Variants in YBX3 observed in about 807,000 individuals in gnomAD.
YBX3 encodes the protein Y-box-binding protein 3.
Under a neutral mutation model 42.4 loss-of-function variants are expected in YBX3, and 29 were observed. The observed-to-expected ratio is 0.68, with a 90% CI of 0.51 to 0.93. The LOEUF is 0.93. Among genes scored for constraint, YBX3 ranks in the 40% least tolerant of loss-of-function variants. YBX3 has a pLI of 0.00. For missense variants in YBX3, 517 were observed against 527.5 expected, an observed-to-expected ratio of 0.98 and a Z score of 0.19; for synonymous variants, 195 against 189.8, an observed-to-expected ratio of 1.03 and a Z score of -0.22.
At chr12:10,720,553 G>C (rs187865551) in intron 1 of YBX3, among the ~76,000 whole-genome samples, 83 of 152,216 alleles carry the variant, frequency 5.5e-4, no homozygotes, top group Non-Finnish European at 8.2e-4. Flanking sequence ...TGATGTTTTC[G>C]ATGCAAATGT....
At chr12:10,701,206 T>C (rs1352319092) in intron 9 of YBX3, 48 bp downstream of exon 9, 5 of 754,126 alleles carry the variant, frequency 6.6e-6, no homozygotes, top group Non-Finnish European at 9.8e-6. Flanking sequence ...AAACCAGTGA[T>C]ACTAAAAAGA....
chr12:10,702,220 TAAAA>T, intron 7 of YBX3, 86 bp from the exon 8 acceptor site: 1 of 1,391,130 alleles, frequency 7.2e-7, no homozygotes, highest in African/African-American at 1.5e-5. Flanking sequence ...TTTTAAAAAT[TAAAA>T]AGTCAAGTGA....
chr12:10,712,606 C>T (rs1948211740), intron 5 of YBX3: 1 of 152,198 alleles, frequency 6.6e-6, no homozygotes, highest in East Asian at 1.9e-4. Flanking sequence ...CTTTCACCAA[C>T]CAAATTTTGA....
At chr12:10,715,570 G>T in intron 4 of YBX3, 124 bp downstream of exon 4, 3 of 884,936 alleles carry the variant, frequency 3.4e-6, no homozygotes, top group Non-Finnish European at 5.4e-6. Context: ...CTGTTTAAAA[G>T]TCACTTCCTG....
At chr12:10,715,956 A>G (rs191711666) in intron 3 of YBX3, 173 bp from the exon 4 acceptor site, 9 of 588,966 alleles carry the variant, frequency 1.5e-5, no homozygotes, top group African/African-American at 1.5e-4. Flanking sequence ...GCACTATAAA[A>G]CTATATTCCA....
At chr12:10,719,523 T>A (rs1948301382) in intron 1 of YBX3, among the ~76,000 whole-genome samples, 1 of 152,058 alleles carries the variant, frequency 6.6e-6, no homozygotes, top group African/African-American at 2.4e-5. Flanking sequence ...AATAAAAGAG[T>A]GAAAGACCTT....
intron 4 of YBX3, among the ~76,000 whole-genome samples, chr12:10,714,386 G>A (rs1948235956): frequency 6.6e-6 from 1 of 152,118 alleles, no homozygotes; most frequent in South Asian, 2.1e-4. Context: ...GTTTTAGCGT[G>A]TTTTTAATCT....
chr12:10,710,777 T>C (rs1186546817), intron 5 of YBX3: 15 of 391,188 alleles, frequency 3.8e-5, no homozygotes, highest in Non-Finnish European at 7.1e-5. Flanking sequence ...TATTAAACCA[T>C]ACATCAGAGA....
chr12:10,717,836 G>A, intron 3 of YBX3: 1 of 318,336 alleles, frequency 3.1e-6, no homozygotes. Context: ...TTAAAAATTA[G>A]AAAGTGGTCT....
Position 10,704,121 on chromosome 12 carries a change from C to T in YBX3, c.808G>A (p.Gly270Arg). Reference sequence around the variant, plus strand: ...TGAAGTTGTGCTCCCTCTGGGACTCCATCCTTCATCTCTCCAATCTCACCA... The same window carrying T: ...TGAAGTTGTGCTCCCTCTGGGACTCTATCCTTCATCTCTCCAATCTCACCA... ...QAGEIGEMKD[G>R]VPEGAQLQGP... The change falls in exon 7 of 10, where the codon GGA becomes AGA. Residue 270 changes from glycine (G) to arginine (R), a missense_variant. Gly to Arg is a moderately radical substitution (Grantham distance 125, BLOSUM62 -2). Coordinates refer to ENST00000228251, the MANE Select transcript of YBX3 (RefSeq NM_003651.5). The T allele has an allele frequency of 6.2e-7, 1 of 1,614,210 alleles. No individual in the cohort carries two copies. Among genetic ancestry groups the T allele is most frequent in the African/African-American group, 1.3e-5 (1 of 75,052 alleles).
intron 8 of YBX3, 140 bp downstream of exon 8, chr12:10,701,820 C>CTA: frequency 2.1e-6 from 2 of 946,838 alleles, no homozygotes; most frequent in Non-Finnish European, 3.2e-6. Context: ...AAGGCATACC[C>CTA]TATATATATG....
intron 5 of YBX3, 200 bp downstream of exon 5, chr12:10,713,011 C>G: frequency 1.5e-6 from 1 of 660,052 alleles, no homozygotes; most frequent in Non-Finnish European, 2.3e-6. Flanking sequence ...TAATCACCAC[C>G]GGTTTCCCAA....
chr12:10,699,820 A>G (rs947202837), intron 9 of YBX3, among the ~76,000 whole-genome samples, 166 bp from the exon 10 acceptor site: 1 of 152,240 alleles, frequency 6.6e-6, no homozygotes, highest in African/African-American at 2.4e-5. Context: ...TGTTAATTAA[A>G]TGGAAACTCT....
At chr12:10,705,681 T>C (rs142676826) in intron 6 of YBX3, among the ~76,000 whole-genome samples, 9 of 152,382 alleles carry the variant, frequency 5.9e-5, no homozygotes, top group African/African-American at 1.7e-4. Context: ...ATGAGTACTT[T>C]GTGAGGAAGT....
In YBX3 at chr12:10,723,267, A is replaced by G. The variant is rs1350113440; in HGVS notation, c.-156T>C. On this transcript the variant is annotated 5_prime_UTR_variant, in exon 1 of 10. Transcript: ENST00000228251. ...CGGCCGAGGTGGGGTCGCGCGGCGGAGGCGGCTCGAGCTTCGTGCTGCGCG... is the reference window on the plus strand; with the variant it reads ...CGGCCGAGGTGGGGTCGCGCGGCGGGGGCGGCTCGAGCTTCGTGCTGCGCG... 5.3e-6 allele frequency: 6 copies of G among 1,128,488 alleles called. No homozygotes were observed. In the African/African-American group the frequency reaches 6.6e-5, roughly 12 times the overall value. The allele number at this position is 1,128,488 out of a possible 1,614,324, so 69.9% of individuals were successfully genotyped here. A position where few individuals can be genotyped will look rare whatever the true frequency, so the allele number is the denominator to read the frequency against.
chr12:10,708,718 C>T lies in YBX3; in HGVS notation c.780+1190G>A, dbSNP rs146102378. 5.8e-3 allele frequency among the ~76,000 whole-genome samples: 885 copies of T among 152,310 alleles called. 5 individuals carry two copies. Among genetic ancestry groups the T allele is most frequent in the South Asian group, 0.011 (51 of 4,826 alleles). On this transcript the variant is annotated intron_variant, in intron 6 of 9. Coordinates refer to ENST00000228251, the MANE Select transcript of YBX3 (RefSeq NM_003651.5). ...AAAAGCAGCTTTCGATCAGCTTCTG[C>T]ATATGATGTTTTACGTGGCACTAAG...
At position 10,723,146 on chromosome 12, in the gene YBX3, G is replaced by A; in HGVS notation, c.-35C>T. ...TCCTCTGCTCTCGCTCAGGCGCCTCGGTGGCGGTTGGTCGGCGGTTAGCGC... is the reference window on the plus strand; with the variant it reads ...TCCTCTGCTCTCGCTCAGGCGCCTCAGTGGCGGTTGGTCGGCGGTTAGCGC... On this transcript the variant is annotated 5_prime_UTR_variant, in exon 1 of 10. Coordinates refer to ENST00000228251, the MANE Select transcript of YBX3 (RefSeq NM_003651.5). 8.4e-7 allele frequency: 1 copy of A among 1,191,796 alleles called. No homozygotes were observed. Among genetic ancestry groups the A allele is most frequent in the Non-Finnish European group, 1.0e-6 (1 of 962,200 alleles). 73.8% of individuals were successfully genotyped at this position (1,191,796 alleles called of 1,614,324 possible).
chr12:10,712,962 A>G, intron 5 of YBX3: 3 of 454,760 alleles, frequency 6.6e-6, no homozygotes, highest in South Asian at 3.8e-5. Flanking sequence ...GGTGCACCAA[A>G]ATCTCAGAAA....
At chr12:10,705,617 T>A (rs940929702) in intron 6 of YBX3, among the ~76,000 whole-genome samples, 1 of 152,206 alleles carries the variant, frequency 6.6e-6, no homozygotes, top group Admixed American at 6.5e-5. Context: ...GTTAAGGTGG[T>A]ATCTGCCACC....
Sources: allele counts gnomAD v4.1 joint callset (sites outside exome capture counted in the v4.1 genomes callset), GRCh38; gene constraint gnomAD v4.1.1; transcripts MANE v1.5; gene names NCBI Gene and HGNC (gene_info 2026-07-23, HGNC 2026-07-21).